PTPRD: variants seen among roughly 807,000 people sequenced by gnomAD.
PTPRD encodes the protein receptor-type tyrosine-protein phosphatase delta.
Under a neutral mutation model 214.5 loss-of-function variants are expected in PTPRD, and 34 were observed. The observed-to-expected ratio is 0.16, with a 90% CI of 0.12 to 0.21. The LOEUF (loss-of-function observed/expected upper bound fraction) is 0.21. PTPRD is among the 10% of genes least tolerant of loss of function. The probability of loss-of-function intolerance (pLI) is 1.00; values close to 1 mark genes in which losing one functional copy is unlikely to be tolerated. For synonymous variants in PTPRD, 1,128 were observed against 845.7 expected, an observed-to-expected ratio of 1.33 and a Z score of -5.79; for missense variants, 2,545 against 2,398.7, an observed-to-expected ratio of 1.06 and a Z score of -1.27.
chr9:8,419,770 G>A (rs1234704568), intron 35 of PTPRD, among the ~76,000 whole-genome samples: 4 of 151,120 alleles, frequency 2.6e-5, no homozygotes, highest in Non-Finnish European at 5.9e-5. Context: ...GTTCTGCCAG[G>A]GAAGCATAAT....
chr9:9,261,792 G>A (rs566650610), intron 9 of PTPRD, among the ~76,000 whole-genome samples: 1 of 151,782 alleles, frequency 6.6e-6, no homozygotes, highest in East Asian at 2.0e-4. Flanking sequence ...GGCTAAGTGT[G>A]GCTCCTTCGT....
At chr9:9,325,791 C>G (rs959839358) in intron 9 of PTPRD, among the ~76,000 whole-genome samples, 3 of 152,172 alleles carry the variant, frequency 2.0e-5, no homozygotes, top group African/African-American at 7.2e-5. Context: ...GGGAATGCTT[C>G]CAGTTTTTGC....
chr9:9,870,973 T>C lies in PTPRD; in HGVS notation c.-368+67534A>G, dbSNP rs551342735. On this transcript the variant is annotated intron_variant, in intron 5 of 45. Coordinates refer to ENST00000381196, the MANE Select transcript of PTPRD (RefSeq NM_002839.4). ...GAGAAATAAAATTAAGACATATTAATACTAAACTGTTCAATTAACAAATTA... is the reference window on the plus strand; with the variant it reads ...GAGAAATAAAATTAAGACATATTAACACTAAACTGTTCAATTAACAAATTA... Among the ~76,000 whole-genome samples, 16 of 152,268 alleles carry C rather than the reference T, an allele frequency of 1.1e-4. No homozygotes were observed. In the South Asian group the frequency reaches 2.1e-3, roughly 20 times the overall value.
At chr9:9,138,185 A>AAATGTGACT (rs1260336102) in intron 10 of PTPRD, among the ~76,000 whole-genome samples, 1 of 152,118 alleles carries the variant, frequency 6.6e-6, no homozygotes, top group Non-Finnish European at 1.5e-5. Context: ...AAACTTCCCA[A>AAATGTGACT]AATGTGACTC....
At chr9:9,206,341 A>G (rs932520127) in intron 9 of PTPRD, among the ~76,000 whole-genome samples, 1 of 152,190 alleles carries the variant, frequency 6.6e-6, no homozygotes, top group African/African-American at 2.4e-5. Context: ...GCATGACATG[A>G]TGTAACATGT....
chr9:9,896,513 A>G (rs151304554), intron 5 of PTPRD, among the ~76,000 whole-genome samples: 50 of 152,178 alleles, frequency 3.3e-4, no homozygotes, highest in African/African-American at 1.1e-3. Context: ...GCATTTGGAT[A>G]GCTAAACACA....
At chr9:10,347,600 G>A (rs1478549805) in intron 2 of PTPRD, among the ~76,000 whole-genome samples, 2 of 151,522 alleles carry the variant, frequency 1.3e-5, no homozygotes, top group African/African-American at 2.4e-5. Flanking sequence ...TAGTAGAGAC[G>A]GGGTTTCTCC....
At position 8,534,452 on chromosome 9, in the gene PTPRD, T is replaced by G. The variant is rs114286675; in HGVS notation, c.353-5673A>C. Reference sequence around the variant, plus strand: ...CTTCACTGACAGGAATACAGATTTCTAAGTCACTGGATATCTTACGGTTTG... The same window carrying G: ...CTTCACTGACAGGAATACAGATTTCGAAGTCACTGGATATCTTACGGTTTG... On this transcript the variant is annotated intron_variant, in intron 14 of 45. Coordinates refer to ENST00000381196, the MANE Select transcript of PTPRD (RefSeq NM_002839.4). Among the ~76,000 whole-genome samples, 1,433 of 152,054 alleles carry G rather than the reference T, an allele frequency of 9.4e-3. 25 individuals are homozygous for G. The highest frequency in any genetic ancestry group is 0.032 in the African/African-American group (1,321 of 41,532).
At chr9:8,704,813 C>T (rs1443279006) in intron 12 of PTPRD, among the ~76,000 whole-genome samples, 1 of 151,788 alleles carries the variant, frequency 6.6e-6, no homozygotes, top group Non-Finnish European at 1.5e-5. Context: ...ATCCCAGCTA[C>T]TTGGGACGCT....
At chr9:8,773,003 A>G (rs1565944312) in intron 11 of PTPRD, among the ~76,000 whole-genome samples, 1 of 151,676 alleles carries the variant, frequency 6.6e-6, no homozygotes, top group Non-Finnish European at 1.5e-5. Flanking sequence ...CTGAAGCAAA[A>G]CCCTTGTTCT....
intron 23 of PTPRD, among the ~76,000 whole-genome samples, chr9:8,501,564 G>T (rs1000412533): frequency 6.6e-6 from 1 of 152,138 alleles, no homozygotes; most frequent in African/African-American, 2.4e-5. Context: ...GTGAAAAGTT[G>T]CAATAACTGC....
chr9:9,712,042 C>T (rs78413056), intron 7 of PTPRD, among the ~76,000 whole-genome samples: 3 of 151,650 alleles, frequency 2.0e-5, no homozygotes, highest in East Asian at 1.9e-4. Flanking sequence ...GATCTCGCAC[C>T]GACTTAGCAA....
At chr9:9,593,068 GA>G (rs2092905707) in intron 7 of PTPRD, among the ~76,000 whole-genome samples, 1 of 128,742 alleles carries the variant, frequency 7.8e-6, no homozygotes, top group Non-Finnish European at 1.6e-5. Context: ...AAGAGAGAAA[GA>G]AAAAAAGAAA....
intron 14 of PTPRD, among the ~76,000 whole-genome samples, chr9:8,559,389 A>C (rs2085268308): frequency 6.6e-6 from 1 of 152,194 alleles, no homozygotes; most frequent in Non-Finnish European, 1.5e-5. Context: ...TATCAATTTA[A>C]AAATTCAAAT....
At chr9:9,979,836 C>G (rs2095478878) in intron 4 of PTPRD, among the ~76,000 whole-genome samples, 1 of 152,066 alleles carries the variant, frequency 6.6e-6, no homozygotes, top group South Asian at 2.1e-4. Context: ...AGACATAGGT[C>G]TTTATATAGA....
intron 5 of PTPRD, among the ~76,000 whole-genome samples, chr9:9,932,340 A>T (rs1422821829): frequency 7.0e-5 from 10 of 142,938 alleles, no homozygotes; most frequent in Non-Finnish European, 1.1e-4. Flanking sequence ...AAAAATTTAG[A>T]AGAATGTATA....
At chr9:9,924,973 A>C (rs2083763128) in intron 5 of PTPRD, among the ~76,000 whole-genome samples, 1 of 152,156 alleles carries the variant, frequency 6.6e-6, no homozygotes, top group Non-Finnish European at 1.5e-5. Context: ...AAATTTCCAC[A>C]AATAAAATAT....
At chr9:9,349,093 T>G (rs950541912) in intron 9 of PTPRD, among the ~76,000 whole-genome samples, 1 of 152,056 alleles carries the variant, frequency 6.6e-6, no homozygotes, top group African/African-American at 2.4e-5. Context: ...AGATCCATTA[T>G]GAAAAATCAG....
intron 9 of PTPRD, among the ~76,000 whole-genome samples, chr9:9,313,207 A>G (rs1595621977): frequency 6.6e-6 from 1 of 152,130 alleles, no homozygotes; most frequent in African/African-American, 2.4e-5. Flanking sequence ...CCGGTAAGTT[A>G]CTGATGATGT....
Sources: gnomAD v4.1 joint callset for allele counts (sites outside exome capture counted in the v4.1 genomes callset) on GRCh38, gnomAD v4.1.1 for gene constraint, MANE v1.5 for transcripts, NCBI Gene and HGNC (gene_info 2026-07-23, HGNC 2026-07-21) for gene names.